Variants in TASP1 observed in about 807,000 individuals in gnomAD.
TASP1 encodes the protein threonine aspartase 1.
Under a neutral mutation model 56.6 loss-of-function variants are expected in TASP1, and 16 were observed. The observed-to-expected ratio is 0.28, with a 90% CI of 0.19 to 0.43. The LOEUF is 0.43. Ranked by LOEUF, TASP1 falls within the 20% of genes least tolerant of loss-of-function variation. The pLI, the probability that TASP1 is intolerant of heterozygous loss-of-function variation, is 1.00. For synonymous variants in TASP1, 179 were observed against 184.2 expected (o/e 0.97, Z 0.23); for missense variants, 393 against 511.6 (o/e 0.77, Z 2.24).
chr20:13,109,979 G>A, the TASP1 span: 13 of 660,694 alleles, frequency 2.0e-5, no homozygotes, highest in South Asian at 2.4e-4. Context: ...TCTCCCTAAG[G>A]GTTCTCTGAT....
At chr20:13,108,385 G>C in the TASP1 span, among the ~76,000 whole-genome samples, 1 of 152,146 alleles carries the variant, frequency 6.6e-6, no homozygotes, top group East Asian at 1.9e-4. Context: ...CTCAGCTTTG[G>C]GGGAAGCCCT....
chr20:13,620,110 T>G (rs886230149), intron 4 of TASP1, among the ~76,000 whole-genome samples: 1 of 152,060 alleles, frequency 6.6e-6, no homozygotes, highest in African/African-American at 2.4e-5. Flanking sequence ...CATTCTGGTG[T>G]CCAGAAGTGA....
At chr20:13,505,576 C>A (rs974892781) in intron 10 of TASP1, among the ~76,000 whole-genome samples, 2 of 152,004 alleles carry the variant, frequency 1.3e-5, no homozygotes, top group African/African-American at 4.8e-5. Context: ...AAGTCTTTCC[C>A]AGCCACAACA....
chr20:13,555,281 G>A (rs1380767920), intron 8 of TASP1, among the ~76,000 whole-genome samples: 1 of 150,328 alleles, frequency 6.7e-6, no homozygotes, highest in Non-Finnish European at 1.5e-5. Flanking sequence ...CTGCTCAGGA[G>A]GCTGAGGCAG....
the TASP1 span, among the ~76,000 whole-genome samples, chr20:13,341,513 G>T: frequency 6.6e-6 from 1 of 151,820 alleles, no homozygotes; most frequent in Non-Finnish European, 1.5e-5. Context: ...GAAGTTTTGG[G>T]GACTAAATGA....
At chr20:13,452,496 T>C (rs886297599) in intron 11 of TASP1, among the ~76,000 whole-genome samples, 2 of 151,590 alleles carry the variant, frequency 1.3e-5, no homozygotes, top group Admixed American at 6.6e-5. Flanking sequence ...AAACAGCATA[T>C]AGTAATATTT....
At chr20:13,586,606 G>A (rs1202452221) in intron 5 of TASP1, among the ~76,000 whole-genome samples, 1 of 152,116 alleles carries the variant, frequency 6.6e-6, no homozygotes, top group Non-Finnish European at 1.5e-5. Context: ...TCTTGATCTA[G>A]GTGGTGGCTT....
In TASP1 at chr20:13,438,795, A is replaced by C. The variant is rs944128496; in HGVS notation, c.986-3641T>G. On this transcript the variant is annotated intron_variant, in intron 11 of 13. Coordinates refer to ENST00000337743, the MANE Select transcript of TASP1 (RefSeq NM_017714.3). The stretch of plus-strand genomic sequence containing the variant: ...AATATCCAGAATCTACAATGAACTC[A>C]AACAAATTTACAAGAAAAAAACAAA... Among the ~76,000 whole-genome samples, 29 of 152,320 alleles carry C rather than the reference A, an allele frequency of 1.9e-4. 1 individual carries two copies. The highest frequency in any genetic ancestry group is 3.9e-4 in the East Asian group (2 of 5,188).
intron 10 of TASP1, among the ~76,000 whole-genome samples, chr20:13,490,598 G>T (rs1010486630): frequency 5.3e-5 from 8 of 152,058 alleles, no homozygotes; most frequent in Non-Finnish European, 8.8e-5. Context: ...CAAGAAGCAG[G>T]GTCTTTTTTA....
At chr20:13,375,241 AC>A in the TASP1 span, among the ~76,000 whole-genome samples, 1 of 64,574 alleles carries the variant, frequency 1.5e-5, no homozygotes, top group Non-Finnish European at 3.3e-5. Flanking sequence ...CGAGCCCCCC[AC>A]CCCCCAACAG....
chr20:13,606,382 T>TCC (rs1299731649), intron 4 of TASP1, among the ~76,000 whole-genome samples: 2 of 152,154 alleles, frequency 1.3e-5, no homozygotes, highest in African/African-American at 4.8e-5. Context: ...GAATAGCATT[T>TCC]CCCCAGCCAT....
At chr20:13,362,808 A>AATATATATATATATATATATATATAT in the TASP1 span, among the ~76,000 whole-genome samples, 280 of 114,722 alleles carry the variant, frequency 2.4e-3, 7 homozygotes, top group Middle Eastern at 4.5e-3. Context: ...AATAGCAAGA[A>AATATATATATATATATATATATATAT]ATATATATAT....
chr20:13,583,395 G>T (rs987517732), intron 5 of TASP1, among the ~76,000 whole-genome samples: 1 of 152,150 alleles, frequency 6.6e-6, no homozygotes, highest in African/African-American at 2.4e-5. Flanking sequence ...ACGTCTAAAC[G>T]TACTTCCAAA....
the TASP1 span, among the ~76,000 whole-genome samples, chr20:13,127,463 C>T: frequency 1.3e-5 from 2 of 152,298 alleles, no homozygotes; most frequent in South Asian, 2.1e-4. Context: ...GTGCCTCACC[C>T]CACCTCCCAG....
chr20:13,501,215 C>T (rs926397341), intron 10 of TASP1, among the ~76,000 whole-genome samples: 44 of 151,908 alleles, frequency 2.9e-4, no homozygotes, highest in African/African-American at 9.9e-4. Context: ...TATAAAAATA[C>T]TAAAGGGCAT....
At chr20:13,594,744 G>T (rs750344345) in intron 4 of TASP1, among the ~76,000 whole-genome samples, 1 of 152,186 alleles carries the variant, frequency 6.6e-6, no homozygotes, top group Non-Finnish European at 1.5e-5. Context: ...CCAAATCTAC[G>T]TCTGATTGGT....
At chr20:13,416,421 A>G (rs1344155423) in intron 13 of TASP1, among the ~76,000 whole-genome samples, 1 of 152,210 alleles carries the variant, frequency 6.6e-6, no homozygotes, top group Non-Finnish European at 1.5e-5. Flanking sequence ...ATATAAGTCA[A>G]TCCTTGTCTG....
chr20:13,289,789 G>A, the TASP1 span, among the ~76,000 whole-genome samples: 2 of 152,100 alleles, frequency 1.3e-5, no homozygotes, highest in Non-Finnish European at 2.9e-5. Context: ...CTGGTGTATA[G>A]TCTTACTGTG....
chr20:13,277,490 C>T, the TASP1 span, among the ~76,000 whole-genome samples: 4 of 152,130 alleles, frequency 2.6e-5, no homozygotes, highest in African/African-American at 7.2e-5. Flanking sequence ...CAGCTTGGCT[C>T]GGCTCTACCC....
Sources: allele counts gnomAD v4.1 joint callset (sites outside exome capture counted in the v4.1 genomes callset), GRCh38; gene constraint gnomAD v4.1.1; transcripts MANE v1.5; gene names NCBI Gene and HGNC (gene_info 2026-07-23, HGNC 2026-07-21).